SMARCD2: variants seen among roughly 807,000 people sequenced by gnomAD.
SMARCD2 encodes the protein SWI/SNF related BAF chromatin remodeling complex subunit D2.
A neutral mutation model predicts 70.4 loss-of-function variants in SMARCD2; 39 were observed. The ratio of observed to expected loss-of-function variants is 0.55; its 90% confidence interval spans 0.43 to 0.72. The LOEUF is 0.72. Ranked by LOEUF, SMARCD2 falls within the 30% of genes least tolerant of loss-of-function variation. The pLI, the probability that SMARCD2 is intolerant of heterozygous loss-of-function variation, is 0.00. For synonymous variants in SMARCD2, 249 were observed against 279.4 expected, an observed-to-expected ratio of 0.89 and a Z score of 1.08; for missense variants, 540 against 713.4, an observed-to-expected ratio of 0.76 and a Z score of 2.77.
chr17:63,832,265 G>A lies in SMARCD2; in HGVS notation c.*673C>T. 1 of 445,864 alleles carries A rather than the reference G, an allele frequency of 2.2e-6. No individual in the cohort carries two copies. Among genetic ancestry groups the A allele is most frequent in the Non-Finnish European group, 4.1e-6 (1 of 244,488 alleles). 27.6% of individuals were successfully genotyped at this position (445,864 alleles called of 1,614,324 possible). A position where few individuals can be genotyped will look rare whatever the true frequency, so the allele number is the denominator to read the frequency against. On this transcript the variant is annotated 3_prime_UTR_variant, in exon 13 of 13. Transcript: ENST00000448276. ...CCTCAGGCCATGCTAGAGAACTGGAGTGTCCCCTCCCCGGCCCAAGCCGCT... is the reference window on the plus strand; with the variant it reads ...CCTCAGGCCATGCTAGAGAACTGGAATGTCCCCTCCCCGGCCCAAGCCGCT...
chr17:63,836,132 C>T (rs1296579511), intron 4 of SMARCD2, among the ~76,000 whole-genome samples: 3 of 152,076 alleles, frequency 2.0e-5, no homozygotes, highest in Non-Finnish European at 4.4e-5. Flanking sequence ...GTCTCTGGCT[C>T]ACATCTTACA....
chr17:63,838,644 C>G, intron 1 of SMARCD2: 1 of 1,494,740 alleles, frequency 6.7e-7, no homozygotes. Flanking sequence ...CTGTGGAGCC[C>G]ATCTGGGAGT....
intron 1 of SMARCD2, chr17:63,838,666 C>G: frequency 6.9e-7 from 1 of 1,459,558 alleles, no homozygotes; most frequent in South Asian, 1.4e-5. Context: ...ACCTCCACCC[C>G]CACCCGCCTC....
chr17:63,841,945 C>A (rs1251369737), intron 1 of SMARCD2, among the ~76,000 whole-genome samples: 1 of 152,252 alleles, frequency 6.6e-6, no homozygotes, highest in Non-Finnish European at 1.5e-5. Context: ...CTAGCCTCAG[C>A]GTCCCGTGCC....
intron 1 of SMARCD2, among the ~76,000 whole-genome samples, chr17:63,842,048 G>A (rs1015604129): frequency 4.6e-5 from 7 of 152,170 alleles, no homozygotes; most frequent in Non-Finnish European, 7.3e-5. Flanking sequence ...AAAAAACAGG[G>A]CAGACTTGGA....
Position 63,833,052 on chromosome 17 carries a change from AC to A in SMARCD2, c.1542+16del. On this transcript the variant is annotated intron_variant, in intron 12 of 12. Coordinates refer to ENST00000448276, the MANE Select transcript of SMARCD2 (RefSeq NM_001098426.2). The surrounding 1 kb of genome is among the most constrained non-coding windows in gnomAD (Gnocchi z 4.3). ...GCTACTCACGGCCAAAGGAGGGAAA[AC>A]AGGGCAGAGCCTCACCTTGGCAAAG... is the stretch of plus-strand genomic sequence containing the variant. The A allele has an allele frequency of 1.9e-6, 3 of 1,588,732 alleles. No individual in the cohort carries two copies. Among genetic ancestry groups the A allele is most frequent in the Non-Finnish European group, 2.6e-6 (3 of 1,168,174 alleles).
At chr17:63,839,113 G>A (rs1567763623) in intron 1 of SMARCD2, 2 of 985,270 alleles carry the variant, frequency 2.0e-6, no homozygotes, top group East Asian at 2.3e-4. Context: ...AAAGGCAAAA[G>A]ACAGCCTCTT....
Position 63,834,426 on chromosome 17 carries a change from C to T in SMARCD2, c.921+48G>A, listed in dbSNP as rs766754314. ...AGGGTTTCTAGGAACCAGCTCCCCT[C>T]CTGAGGGGTCCCTGTGGGCCCAGAA... On this transcript the variant is annotated intron_variant, in intron 7 of 12. Coordinates refer to ENST00000448276, the MANE Select transcript of SMARCD2 (RefSeq NM_001098426.2). This position sits in a 1 kb window ranked among gnomAD's most constrained non-coding sequence, Gnocchi z 5.6. 1 of 1,558,254 alleles carries T rather than the reference C, an allele frequency of 6.4e-7. No homozygotes were observed. Among genetic ancestry groups the T allele is most frequent in the Admixed American group, 1.8e-5 (1 of 56,366 alleles).
rs149049287 is a variant in SMARCD2 at position 63,835,058 on chromosome 17, C to T, written c.724-258G>A. The T allele has an allele frequency of 9.3e-4, 509 of 549,550 alleles. 2 individuals are homozygous for T. Among genetic ancestry groups the T allele is most frequent in the African/African-American group, 8.3e-3 (440 of 53,090 alleles). The allele number at this position is 549,550 out of a possible 1,614,324, so 34.0% of individuals were successfully genotyped here. On this transcript the variant is annotated intron_variant, in intron 5 of 12. Transcript: ENST00000448276. ...TGTAATAACCACACAAATCAACCTC[C>T]AACGGGCTTGGAGCAGCGCCCCCCT...
chr17:63,842,517 C>A lies in SMARCD2; in HGVS notation c.158G>T (p.Gly53Val). 1 of 1,224,074 alleles carries A rather than the reference C, an allele frequency of 8.2e-7. No individual in the cohort carries two copies. Among genetic ancestry groups the A allele is most frequent in the Non-Finnish European group, 1.0e-6 (1 of 984,628 alleles). 75.8% of individuals were successfully genotyped at this position (1,224,074 alleles called of 1,614,324 possible). The part of the protein sequence containing the change: ...RGPGPAGGVG[G>V]PGAAAFRPMG... ...GGGGCGGAAGGCGGCGGCCCCGGGG[C>A]CCCCCACGCCTCCTGCCGGACCCGG... is the stretch of plus-strand genomic sequence containing the variant. Residue 53 changes from glycine to valine, a missense_variant, in exon 1 of 13, where the codon GGC becomes GTC. Gly to Val is a moderately radical substitution (Grantham distance 109, BLOSUM62 -3). Transcript: ENST00000448276.
At position 63,837,870 on chromosome 17, in the gene SMARCD2, G is replaced by A. The variant is rs1188659859; in HGVS notation, c.217-245C>T. Reference sequence around the variant, plus strand: ...ATGAGGCCTGCCAGAACCTGGGCTGGGAGGAGGGTCCTGCCTGCAGAGGGA... The same window carrying A: ...ATGAGGCCTGCCAGAACCTGGGCTGAGAGGAGGGTCCTGCCTGCAGAGGGA... On this transcript the variant is annotated intron_variant, in intron 1 of 12. Transcript: ENST00000448276. This position sits in a 1 kb window ranked among gnomAD's most constrained non-coding sequence, Gnocchi z 6.4. Among the ~76,000 whole-genome samples the A allele has an allele frequency of 2.0e-5, 3 of 152,284 alleles. No individual in the cohort carries two copies. Among genetic ancestry groups the A allele is most frequent in the South Asian group, 4.1e-4 (2 of 4,830 alleles).
rs1567760423 is a variant in SMARCD2, at chr17:63,833,738, G to A, written c.1182-16C>T. On this transcript the variant is annotated splice_polypyrimidine_tract_variant and intron_variant, in intron 9 of 12. Transcript: ENST00000448276. This position sits in a 1 kb window ranked among gnomAD's most constrained non-coding sequence, Gnocchi z 4.3. ...AGGGTCGACACTGCAGGCAGCACATGGGGAGGGAAGGCACATAGCTGACTT... is the reference window on the plus strand; with the variant it reads ...AGGGTCGACACTGCAGGCAGCACATAGGGAGGGAAGGCACATAGCTGACTT... 1.5e-5 allele frequency: 25 copies of A among 1,613,942 alleles called. No homozygotes were observed. The East Asian group carries it at 5.3e-4, about 35-fold the overall frequency.
At chr17:63,838,207 C>T (rs1598359882) in intron 1 of SMARCD2, among the ~76,000 whole-genome samples, 1 of 152,202 alleles carries the variant, frequency 6.6e-6, no homozygotes, top group South Asian at 2.1e-4. Context: ...AACAGGATGG[C>T]TTGGAACGTG....
Position 63,834,852 on chromosome 17 carries a change from G to T in SMARCD2, c.724-52C>A. The T allele has an allele frequency of 8.0e-7, 1 of 1,252,662 alleles. No individual in the cohort carries two copies. Among genetic ancestry groups the T allele is most frequent in the South Asian group, 1.2e-5 (1 of 83,330 alleles). 77.6% of individuals were successfully genotyped at this position (1,252,662 alleles called of 1,614,324 possible). ...GTGCTGCTGAGCTCTCAAATCTCAA[G>T]CTATGCTAAATCCCAAGAAAGAGAA... is the stretch of plus-strand genomic sequence containing the variant. On this transcript the variant is annotated intron_variant, in intron 5 of 12. Transcript: ENST00000448276. The surrounding 1 kb of genome is among the most constrained non-coding windows in gnomAD (Gnocchi z 5.6).
intron 1 of SMARCD2, chr17:63,838,581 CT>C: frequency 6.9e-7 from 1 of 1,442,184 alleles, no homozygotes; most frequent in Non-Finnish European, 9.1e-7. Flanking sequence ...GAAATAGCTT[CT>C]TTAGATGCCT....
intron 1 of SMARCD2, 153 bp downstream of exon 1, chr17:63,842,306 C>T: frequency 8.8e-7 from 1 of 1,139,708 alleles, no homozygotes; most frequent in Non-Finnish European, 1.1e-6. Context: ...CCACCGCGAC[C>T]CGCCGCAGCC....
intron 5 of SMARCD2, 63 bp downstream of exon 5, chr17:63,835,349 C>T: frequency 1.3e-6 from 2 of 1,536,098 alleles, no homozygotes; most frequent in Non-Finnish European, 1.8e-6. Flanking sequence ...TATCAAACTC[C>T]TTGGTCTCAG....
rs113815662 is a variant in SMARCD2, at chr17:63,832,762, G to A, written c.*176C>T. On this transcript the variant is annotated 3_prime_UTR_variant, in exon 13 of 13. Transcript: ENST00000448276. ...TTAAAGCCAATGCAAAAAGTATAAG[G>A]CTTTGGGGACCAAGCAACAAGGAAT... 43 of 648,850 alleles carry A rather than the reference G, an allele frequency of 6.6e-5. No individual in the cohort carries two copies. Among genetic ancestry groups the A allele is most frequent in the African/African-American group, 6.5e-4 (36 of 55,162 alleles). 40.2% of individuals were successfully genotyped at this position (648,850 alleles called of 1,614,324 possible).
Position 63,834,497 on chromosome 17 carries a change from G to A in SMARCD2, c.898C>T (p.Leu300Phe), listed in dbSNP as rs1213344317. The A allele has an allele frequency of 6.2e-7, 1 of 1,601,768 alleles. No individual in the cohort carries two copies. Among genetic ancestry groups the A allele is most frequent in the Non-Finnish European group, 8.5e-7 (1 of 1,171,372 alleles). Residue 300 changes from leucine (L) to phenylalanine (F), a missense_variant, in exon 7 of 13, where the codon CTC becomes TTC. Physicochemically the swap from Leu to Phe is conservative, Grantham distance 22. Coordinates refer to ENST00000448276, the MANE Select transcript of SMARCD2 (RefSeq NM_001098426.2). The surrounding 1 kb of genome is among the most constrained non-coding windows in gnomAD (Gnocchi z 5.6). The stretch of plus-strand genomic sequence containing the variant: ...ACCTGATGATCCAGCATGAGCAGGA[G>A]GGTGCACTTGACGTTGAGGTCTCCA... The part of the protein sequence containing the change: ...RPGDLNVKCT[L>F]LLMLDHQPPQ...
Sources: allele counts gnomAD v4.1 joint callset (sites outside exome capture counted in the v4.1 genomes callset), GRCh38; gene constraint gnomAD v4.1.1; non-coding constraint Gnocchi (gnomAD v3.1); transcripts MANE v1.5; gene names NCBI Gene and HGNC (gene_info 2026-07-23, HGNC 2026-07-21).